GBE1: variants seen among roughly 807,000 people sequenced by gnomAD.
GBE1 encodes the protein 1,4-alpha-glucan-branching enzyme.
Under a neutral mutation model 88.8 loss-of-function variants are expected in GBE1, and 70 were observed. The ratio of observed to expected loss-of-function variants is 0.79; its 90% CI spans 0.65 to 0.96. The LOEUF (loss-of-function observed/expected upper bound fraction) is 0.96. Among genes scored for constraint, GBE1 ranks in the 40% least tolerant of loss-of-function variants. The probability of loss-of-function intolerance (pLI) is 0.00; values close to 1 mark genes in which losing one functional copy is unlikely to be tolerated. For missense variants in GBE1, 872 were observed against 871.0 expected, an observed-to-expected ratio of 1.00 and a Z score of -0.01; for synonymous variants, 284 against 300.1, an observed-to-expected ratio of 0.95 and a Z score of 0.56.
At chr3:81,627,764 TATA>T (rs1553686978) in intron 7 of GBE1, among the ~76,000 whole-genome samples, 5 of 144,066 alleles carry the variant, frequency 3.5e-5, no homozygotes, top group Non-Finnish European at 7.6e-5. Flanking sequence ...TATATATATA[TATA>T]AAAAACATAT....
chr3:81,585,298 T>C (rs1354918057), intron 10 of GBE1, among the ~76,000 whole-genome samples: 1 of 152,054 alleles, frequency 6.6e-6, no homozygotes, highest in Non-Finnish European at 1.5e-5. Context: ...CTACAGTTTT[T>C]CTACCCAAAA....
At chr3:81,515,797 T>C (rs1702791351) in intron 14 of GBE1, among the ~76,000 whole-genome samples, 1 of 151,548 alleles carries the variant, frequency 6.6e-6, no homozygotes, top group Admixed American at 6.6e-5. Flanking sequence ...CTACTGCTGA[T>C]AGGAAGAAGT....
intron 1 of GBE1, among the ~76,000 whole-genome samples, chr3:81,756,258 A>G (rs892923054): frequency 6.6e-6 from 1 of 152,162 alleles, no homozygotes; most frequent in Non-Finnish European, 1.5e-5. Flanking sequence ...TTAATTGAGC[A>G]TATATTCCCC....
chr3:81,753,806 C>T (rs1430705842), intron 1 of GBE1, among the ~76,000 whole-genome samples: 2 of 152,180 alleles, frequency 1.3e-5, no homozygotes, highest in East Asian at 3.8e-4. Context: ...TACATCTTGT[C>T]ATCTTCAGAT....
intron 1 of GBE1, 105 bp from the exon 2 acceptor site, chr3:81,705,718 A>T: frequency 1.6e-6 from 1 of 624,196 alleles, no homozygotes; most frequent in East Asian, 3.3e-5. Context: ...AAAAAAAGAC[A>T]TTATTAAAGA....
At chr3:81,740,479 C>A (rs1575773315) in intron 1 of GBE1, among the ~76,000 whole-genome samples, 1 of 151,850 alleles carries the variant, frequency 6.6e-6, no homozygotes. Context: ...ATTACATGGT[C>A]TCATGTTGGA....
chr3:81,582,488 G>A (rs1218890705), intron 10 of GBE1, among the ~76,000 whole-genome samples: 1 of 152,052 alleles, frequency 6.6e-6, no homozygotes, highest in Non-Finnish European at 1.5e-5. Context: ...TTTCATTTTT[G>A]TAACACATAG....
chr3:81,697,733 C>G (rs372885935), intron 2 of GBE1, among the ~76,000 whole-genome samples: 12 of 152,158 alleles, frequency 7.9e-5, no homozygotes, highest in African/African-American at 2.9e-4. Flanking sequence ...GCAGGACCCT[C>G]TCAGGGTAGA....
At chr3:81,662,194 G>A (rs1341198825) in intron 3 of GBE1, among the ~76,000 whole-genome samples, 3 of 151,796 alleles carry the variant, frequency 2.0e-5, no homozygotes, top group Non-Finnish European at 4.4e-5. Context: ...CACCACACCC[G>A]GCTAATTTTT....
intron 3 of GBE1, among the ~76,000 whole-genome samples, chr3:81,669,107 C>A (rs1330266889): frequency 6.6e-6 from 1 of 152,144 alleles, no homozygotes; most frequent in African/African-American, 2.4e-5. Context: ...TAGTGTAACC[C>A]TGCAACCAAA....
At chr3:81,649,417 T>C (rs1704813414) in intron 4 of GBE1, among the ~76,000 whole-genome samples, 1 of 152,084 alleles carries the variant, frequency 6.6e-6, no homozygotes, top group African/African-American at 2.4e-5. Flanking sequence ...CATGAGATGG[T>C]CTTCCCCATT....
chr3:81,651,114 T>C (rs934676504), intron 3 of GBE1, among the ~76,000 whole-genome samples: 2 of 152,350 alleles, frequency 1.3e-5, no homozygotes, highest in South Asian at 2.1e-4. Flanking sequence ...TCTCCTCTAA[T>C]AGAGAAAGGT....
intron 12 of GBE1, among the ~76,000 whole-genome samples, chr3:81,564,865 T>C (rs982407770): frequency 1.3e-5 from 2 of 152,190 alleles, no homozygotes; most frequent in Non-Finnish European, 2.9e-5. Context: ...CTCTATGTTA[T>C]ACTTTCACAA....
intron 3 of GBE1, among the ~76,000 whole-genome samples, chr3:81,667,083 C>A (rs1250496924): frequency 6.6e-6 from 1 of 152,160 alleles, no homozygotes; most frequent in Admixed American, 6.5e-5. Context: ...GAATGCTACT[C>A]ATTTCTTACA....
chr3:81,722,896 G>GTGTATATA (rs756121951), intron 1 of GBE1, among the ~76,000 whole-genome samples: 41 of 135,320 alleles, frequency 3.0e-4, no homozygotes, highest in African/African-American at 1.0e-3. Context: ...GTGTGTGTGT[G>GTGTATATA]TATATATATA....
intron 3 of GBE1, among the ~76,000 whole-genome samples, chr3:81,662,660 TG>T (rs1705047354): frequency 6.7e-6 from 1 of 149,442 alleles, no homozygotes; most frequent in Non-Finnish European, 1.5e-5. Flanking sequence ...TTAACAGTTT[TG>T]TAAAAAAAAA....
chr3:81,615,344 G>A (rs1704234648), intron 7 of GBE1, among the ~76,000 whole-genome samples: 1 of 152,140 alleles, frequency 6.6e-6, no homozygotes, highest in Non-Finnish European at 1.5e-5. Flanking sequence ...ATCACAGCCA[G>A]GATATTGGCA....
chr3:81,633,593 T>TA (rs1481506130), intron 7 of GBE1, among the ~76,000 whole-genome samples: 1 of 152,176 alleles, frequency 6.6e-6, no homozygotes, highest in East Asian at 1.9e-4. Context: ...CTGAACCTGA[T>TA]ATTAAAAGAC....
At chr3:81,716,941 G>A (rs1705945834) in intron 1 of GBE1, among the ~76,000 whole-genome samples, 1 of 152,164 alleles carries the variant, frequency 6.6e-6, no homozygotes, top group East Asian at 1.9e-4. Context: ...ATAAATCAGA[G>A]TTACTGAAGG....
Sources: gnomAD v4.1 joint callset for allele counts (sites outside exome capture counted in the v4.1 genomes callset) on GRCh38, gnomAD v4.1.1 for gene constraint, MANE v1.5 for transcripts, NCBI Gene and HGNC (gene_info 2026-07-23, HGNC 2026-07-21) for gene names.